Variants in PCDHGB1 observed in about 807,000 individuals in gnomAD.
PCDHGB1 encodes the protein protocadherin gamma subfamily B, 1, also known as protocadherin gamma-B1.
In PCDHGB1, 34 loss-of-function variants were observed where a neutral mutation model predicts 56.6. That is an observed-to-expected ratio of 0.60 (90% CI 0.46 to 0.80). The LOEUF is 0.80. Among genes scored for constraint, PCDHGB1 ranks in the 30% least tolerant of loss-of-function variants. PCDHGB1 has a pLI of 0.00. For synonymous variants in PCDHGB1, 561 were observed against 505.9 expected (o/e 1.11, Z -1.46); for missense variants, 1,278 against 1,204.6 (o/e 1.06, Z -0.90).
chr5:141,398,563 G>A lies in PCDHGB1; in HGVS notation c.2409+45894G>A, dbSNP rs375890903. The A allele has an allele frequency of 2.4e-5, 39 of 1,613,842 alleles. No individual in the cohort carries two copies. The African/African-American group carries it at 3.2e-4, about 13-fold the overall frequency. On this transcript the variant is annotated intron_variant, in intron 1 of 3. Coordinates refer to ENST00000523390, the MANE Select transcript of PCDHGB1 (RefSeq NM_018922.3). Reference sequence around the variant, plus strand: ...CTTTGAGCTGCAAATAAGTGAGTCTGCACAGCCTGGCACAAGATTTATACT... The same window carrying A: ...CTTTGAGCTGCAAATAAGTGAGTCTACACAGCCTGGCACAAGATTTATACT...
chr5:141,351,810 A>C lies in PCDHGB1; in HGVS notation c.1550A>C (p.Asp517Ala). The change falls in exon 1 of 4, where the codon GAC (aspartate) becomes GCC (alanine). Residue 517 changes from aspartate (D) to alanine (A), a missense_variant. Physicochemically the swap from Asp to Ala is moderately radical, Grantham distance 126. Transcript: ENST00000523390. ...GTGGTGTTCGCGCAGCGCGCCTTCGACCACGAGCAGCTGCGCGCCTTCGAG... is the reference window on the plus strand; with the variant it reads ...GTGGTGTTCGCGCAGCGCGCCTTCGCCCACGAGCAGCTGCGCGCCTTCGAG... Reference protein sequence around the residue: ...SGVVFAQRAFDHEQLRAFELT... With the variant: ...SGVVFAQRAFAHEQLRAFELT... The C allele has an allele frequency of 6.2e-7, 1 of 1,613,260 alleles. No homozygotes were observed. Among genetic ancestry groups the C allele is most frequent in the Non-Finnish European group, 8.5e-7 (1 of 1,179,874 alleles).
At chr5:141,363,406 A>G (rs944963716) in intron 1 of PCDHGB1, among the ~76,000 whole-genome samples, 1 of 152,226 alleles carries the variant, frequency 6.6e-6, no homozygotes, top group African/African-American at 2.4e-5. Context: ...TAAAGATGAT[A>G]GCAGTAAATA....
chr5:141,469,802 C>T (rs2099211446), intron 1 of PCDHGB1, among the ~76,000 whole-genome samples: 1 of 152,022 alleles, frequency 6.6e-6, no homozygotes, highest in Admixed American at 6.6e-5. Flanking sequence ...ATTGCAAAAA[C>T]ATTGTAGATA....
At chr5:141,436,294 G>A (rs1205368824) in intron 1 of PCDHGB1, among the ~76,000 whole-genome samples, 1 of 152,142 alleles carries the variant, frequency 6.6e-6, no homozygotes, top group Non-Finnish European at 1.5e-5. Context: ...AAATCATTGA[G>A]AGTTAGAGCA....
intron 1 of PCDHGB1, among the ~76,000 whole-genome samples, chr5:141,406,576 A>T (rs909778588): frequency 8.5e-5 from 13 of 152,222 alleles, no homozygotes; most frequent in Non-Finnish European, 8.8e-5. Context: ...CTAGTAAACC[A>T]ATTTTTTCCC....
At chr5:141,354,581 G>C (rs1168490424) in intron 1 of PCDHGB1, among the ~76,000 whole-genome samples, 1 of 152,104 alleles carries the variant, frequency 6.6e-6, no homozygotes, top group Non-Finnish European at 1.5e-5. Context: ...GCATAAATTG[G>C]GACTAAAGCC....
chr5:141,490,215 G>C lies in PCDHGB1; in HGVS notation c.2410-4592G>C. 6.2e-7 allele frequency: 1 copy of C among 1,614,254 alleles called. No individual in the cohort carries two copies. Among genetic ancestry groups the C allele is most frequent in the African/African-American group, 1.3e-5 (1 of 75,078 alleles). On this transcript the variant is annotated intron_variant, in intron 1 of 3. Coordinates refer to ENST00000523390, the MANE Select transcript of PCDHGB1 (RefSeq NM_018922.3). The surrounding 1 kb of genome is among the most constrained non-coding windows in gnomAD (Gnocchi z 5.4). ...AAATTCATGCAAGAGCCCGTGACCA[G>C]GGACAGCCTGCCATGGAGGGCCACT... is the stretch of plus-strand genomic sequence containing the variant.
intron 1 of PCDHGB1, among the ~76,000 whole-genome samples, chr5:141,460,804 T>C (rs2098998238): frequency 1.3e-5 from 2 of 152,020 alleles, no homozygotes; most frequent in African/African-American, 4.8e-5. Flanking sequence ...AGTATATATA[T>C]GTATGTATAC....
rs1246198657 is a variant in PCDHGB1 at position 141,505,401 on chromosome 5, A to T, written c.2477A>T (p.Asn826Ile). The change falls in exon 3 of 4, where the codon AAT (asparagine) becomes ATT (isoleucine). Residue 826 changes from asparagine (N) to isoleucine (I), a missense_variant. By Grantham distance (149) the Asn-to-Ile change is moderately radical (BLOSUM62 -3). Transcript: ENST00000523390. Reference protein sequence around the residue: ...AQRPGTSGSQNGDDTGTWPNN... With the variant: ...AQRPGTSGSQIGDDTGTWPNN... ...TCCTACTCTCTCCCCAGCTCCCAAA[A>T]TGGCGATGACACCGGCACCTGGCCC... is the stretch of plus-strand genomic sequence containing the variant. The T allele has an allele frequency of 6.2e-7, 1 of 1,614,058 alleles. No individual in the cohort carries two copies. Among genetic ancestry groups the T allele is most frequent in the African/African-American group, 1.3e-5 (1 of 74,922 alleles).
intron 1 of PCDHGB1, chr5:141,365,061 C>T (rs1220470558): frequency 8.1e-6 from 13 of 1,613,766 alleles, no homozygotes; most frequent in Non-Finnish European, 1.1e-5. Context: ...CTGTTCACCC[C>T]ATCCGAGTAC....
intron 1 of PCDHGB1, chr5:141,372,083 G>T (rs1381793721): frequency 6.2e-7 from 1 of 1,613,756 alleles, no homozygotes. Context: ...CGCTGGTGCT[G>T]TACCCAGCTC....
At chr5:141,355,605 A>G in intron 1 of PCDHGB1, 2 of 1,614,024 alleles carry the variant, frequency 1.2e-6, no homozygotes, top group Non-Finnish European at 1.7e-6. Context: ...GTTTTGGGAC[A>G]GAACAGAGGG....
intron 1 of PCDHGB1, chr5:141,417,729 G>T (rs1175282861): frequency 1.6e-5 from 22 of 1,376,276 alleles, no homozygotes; most frequent in African/African-American, 8.8e-5. Context: ...CGCAGACCTT[G>T]CCCAGCACAC....
chr5:141,390,528 G>T (rs1438036547), intron 1 of PCDHGB1: 1 of 537,820 alleles, frequency 1.9e-6, no homozygotes, highest in Non-Finnish European at 3.3e-6. Context: ...TGAGGGTGTG[G>T]TTTTAACCAC....
chr5:141,478,642 T>A (rs777741719), intron 1 of PCDHGB1: 1 of 1,552,350 alleles, frequency 6.4e-7, no homozygotes, highest in South Asian at 1.2e-5. Context: ...GTGATGAAGA[T>A]GTTTTCCTGG....
intron 3 of PCDHGB1, among the ~76,000 whole-genome samples, chr5:141,510,048 G>GTGAT (rs1392197406): frequency 1.3e-5 from 2 of 152,192 alleles, no homozygotes; most frequent in Non-Finnish European, 2.9e-5. Context: ...GAGGTTAAAA[G>GTGAT]TGATTGTGCA....
chr5:141,356,640 C>A (rs758426819), intron 1 of PCDHGB1: 1 of 1,614,164 alleles, frequency 6.2e-7, no homozygotes, highest in Non-Finnish European at 8.5e-7. Flanking sequence ...AAGACCCTGA[C>A]AGTGGTGACA....
chr5:141,388,923 T>C (rs374663443), intron 1 of PCDHGB1: 7 of 1,614,002 alleles, frequency 4.3e-6, no homozygotes, highest in East Asian at 2.2e-5. Context: ...AGAAGTGATA[T>C]TCCAGTCTCT....
At chr5:141,395,543 TGTGTGTG>T in intron 1 of PCDHGB1, 1 of 8,204 alleles carries the variant, frequency 1.2e-4, no homozygotes, top group Non-Finnish European at 2.0e-4. Context: ...TGCTATTGTT[TGTGTGTG>T]TGTGTGTGTG....
Sources: gnomAD v4.1 joint callset for allele counts (sites outside exome capture counted in the v4.1 genomes callset) on GRCh38, gnomAD v4.1.1 for gene constraint, Gnocchi (gnomAD v3.1) non-coding constraint, MANE v1.5 for transcripts, NCBI Gene and HGNC (gene_info 2026-07-23, HGNC 2026-07-21) for gene names.